The following PRKG1 variants were observed in gnomAD, a reference collection of about 807,000 sequenced individuals.
PRKG1 encodes the protein protein kinase cGMP-dependent 1.
A neutral mutation model predicts 88.1 loss-of-function variants in PRKG1; 35 were observed. The ratio of observed to expected loss-of-function variants is 0.40; its 90% CI spans 0.30 to 0.53. The LOEUF (loss-of-function observed/expected upper bound fraction) is 0.53, where lower values mean the gene tolerates loss of function less well. PRKG1 is among the 20% of genes least tolerant of loss of function. The pLI is 0.59. For missense variants in PRKG1, 540 were observed against 839.8 expected, an observed-to-expected ratio of 0.64 and a Z score of 4.41; for synonymous variants, 303 against 292.5, an observed-to-expected ratio of 1.04 and a Z score of -0.37.
At chr10:51,349,174 C>T (rs1842181648) in intron 2 of PRKG1, among the ~76,000 whole-genome samples, 2 of 152,114 alleles carry the variant, frequency 1.3e-5, no homozygotes, top group Admixed American at 1.3e-4. Context: ...CATCTCAAAC[C>T]TGCTAATATT....
chr10:52,102,131 T>C (rs1329675954), intron 7 of PRKG1, among the ~76,000 whole-genome samples: 2 of 152,304 alleles, frequency 1.3e-5, no homozygotes, highest in South Asian at 4.1e-4. Context: ...ACTTTGTCCC[T>C]GAAGTCAGGA....
intron 1 of PRKG1, among the ~76,000 whole-genome samples, chr10:51,059,638 G>C (rs1843672414): frequency 6.6e-6 from 1 of 152,002 alleles, no homozygotes; most frequent in African/African-American, 2.4e-5. Context: ...CATAATTATT[G>C]AGTTAATTTT....
At chr10:51,790,588 T>G (rs918063119) in intron 3 of PRKG1, among the ~76,000 whole-genome samples, 1 of 152,154 alleles carries the variant, frequency 6.6e-6, no homozygotes, top group African/African-American at 2.4e-5. Flanking sequence ...GTCCTTTATT[T>G]CTTTTGAATC....
At chr10:51,992,295 A>C (rs946153924) in intron 5 of PRKG1, among the ~76,000 whole-genome samples, 3 of 152,116 alleles carry the variant, frequency 2.0e-5, no homozygotes, top group Non-Finnish European at 4.4e-5. Context: ...AAGGATTATA[A>C]ATTTCATGGT....
At chr10:51,483,968 T>C (rs1840447770) in intron 3 of PRKG1, among the ~76,000 whole-genome samples, 1 of 152,196 alleles carries the variant, frequency 6.6e-6, no homozygotes, top group Non-Finnish European at 1.5e-5. Flanking sequence ...GGCTTTTTTT[T>C]CTGACACGTG....
intron 2 of PRKG1, among the ~76,000 whole-genome samples, chr10:51,186,308 G>A (rs555778989): frequency 1.3e-5 from 2 of 148,642 alleles, no homozygotes; most frequent in South Asian, 4.3e-4. Flanking sequence ...TGTTTCTCTT[G>A]GTGTTTTTTC....
chr10:51,617,095 T>C (rs908342288), intron 3 of PRKG1, among the ~76,000 whole-genome samples: 3 of 152,162 alleles, frequency 2.0e-5, no homozygotes, highest in African/African-American at 7.2e-5. Context: ...CAGCTCTGTA[T>C]GTTAGTTTTG....
At chr10:51,746,283 C>G (rs548079607) in intron 3 of PRKG1, among the ~76,000 whole-genome samples, 3 of 151,334 alleles carry the variant, frequency 2.0e-5, no homozygotes, top group African/African-American at 7.3e-5. Flanking sequence ...GCAATTTGGT[C>G]GTCAAATTAG....
intron 2 of PRKG1, among the ~76,000 whole-genome samples, chr10:51,374,711 T>C (rs1165709126): frequency 6.6e-6 from 1 of 152,164 alleles, no homozygotes; most frequent in Non-Finnish European, 1.5e-5. Context: ...GCTTTGATGT[T>C]GGAATTCCCA....
intron 1 of PRKG1, among the ~76,000 whole-genome samples, chr10:51,122,591 A>C (rs1589168772): frequency 6.6e-6 from 1 of 152,178 alleles, no homozygotes; most frequent in Non-Finnish European, 1.5e-5. Context: ...ATTCATGTAA[A>C]TCAAAATCAC....
rs1844195164 is a variant in PRKG1 at position 51,987,565 on chromosome 10, G to T, written c.763-66919G>T. On this transcript the variant is annotated intron_variant, in intron 5 of 17. Transcript: ENST00000373980. Reference sequence around the variant, plus strand: ...CCAGAAATTCTAAGTCACTAATTGTGTGAATTGGAAGTGACTTCTTAGCCA... The same window carrying T: ...CCAGAAATTCTAAGTCACTAATTGTTTGAATTGGAAGTGACTTCTTAGCCA... Among the ~76,000 whole-genome samples, 5 of 150,956 alleles carry T rather than the reference G, an allele frequency of 3.3e-5. No individual in the cohort carries two copies. In the South Asian group the frequency reaches 8.3e-4, roughly 25 times the overall value.
intron 2 of PRKG1, among the ~76,000 whole-genome samples, chr10:51,395,426 T>C (rs536673311): frequency 6.6e-6 from 1 of 152,308 alleles, no homozygotes; most frequent in East Asian, 1.9e-4. Context: ...TAACCTATGT[T>C]GTCTGTCCTT....
intron 9 of PRKG1, among the ~76,000 whole-genome samples, chr10:52,212,597 G>T (rs746677985): frequency 4.0e-5 from 6 of 151,354 alleles, no homozygotes; most frequent in Non-Finnish European, 7.4e-5. Flanking sequence ...ATGGCTGTTG[G>T]GGGGAGAGGG....
intron 7 of PRKG1, 76 bp downstream of exon 7, chr10:52,062,707 C>A: frequency 2.9e-6 from 3 of 1,051,648 alleles, no homozygotes; most frequent in South Asian, 1.4e-5. Flanking sequence ...GAGCTCCTAG[C>A]ACAATAGGCT....
intron 4 of PRKG1, among the ~76,000 whole-genome samples, chr10:51,899,424 G>T (rs1173160560): frequency 6.6e-6 from 1 of 151,548 alleles, no homozygotes; most frequent in Admixed American, 6.6e-5. Context: ...CAGCACTTTG[G>T]AAGACCGAGT....
At chr10:52,148,688 C>T (rs747821833) in intron 8 of PRKG1, among the ~76,000 whole-genome samples, 1 of 152,182 alleles carries the variant, frequency 6.6e-6, no homozygotes, top group Non-Finnish European at 1.5e-5. Flanking sequence ...GTGCCATGAG[C>T]GTCTATTGCA....
Position 51,760,471 on chromosome 10 carries a change from CG to C in PRKG1, c.593-44113del, listed in dbSNP as rs1254915354. On this transcript the variant is annotated intron_variant, in intron 3 of 17. Transcript: ENST00000373980. ...TTATTAAGTCTATTGCTTGACTTTTCGTTTTTTTTTTTTTTTTTGAGACCAA... is the reference window on the plus strand; with the variant it reads ...TTATTAAGTCTATTGCTTGACTTTTCTTTTTTTTTTTTTTTTTGAGACCAA... 4.8e-3 allele frequency among the ~76,000 whole-genome samples: 549 copies of C among 114,552 alleles called. 5 individuals carry two copies. The highest frequency in any genetic ancestry group is 0.015 in the African/African-American group (512 of 33,224). The allele number at this position is 114,552 out of a possible 152,430, so 75.2% of individuals were successfully genotyped here.
chr10:51,740,050 TAG>T (rs761846298), intron 3 of PRKG1, among the ~76,000 whole-genome samples: 25 of 152,198 alleles, frequency 1.6e-4, no homozygotes, highest in Non-Finnish European at 2.8e-4. Context: ...TCTTTTGTGA[TAG>T]AGTTTCACTC....
intron 3 of PRKG1, among the ~76,000 whole-genome samples, chr10:51,752,587 G>A (rs934750542): frequency 1.3e-5 from 2 of 152,150 alleles, no homozygotes; most frequent in African/African-American, 4.8e-5. Context: ...AACCATATGT[G>A]TCAAATGTGG....
Sources: allele counts gnomAD v4.1 joint callset (sites outside exome capture counted in the v4.1 genomes callset), GRCh38; gene constraint gnomAD v4.1.1; transcripts MANE v1.5; gene names NCBI Gene and HGNC (gene_info 2026-07-23, HGNC 2026-07-21).